CSNK2A2IP: variants seen among roughly 807,000 people sequenced by gnomAD.
CSNK2A2IP encodes casein kinase II subunit alpha'-interacting protein.
the CSNK2A2IP span, among the ~76,000 whole-genome samples, chr3:88,397,763 CTCT>C: frequency 1.8e-5 from 1 of 55,604 alleles, no homozygotes; most frequent in Non-Finnish European, 5.5e-5. Context: ...TATCTCCTAT[CTCT>C]TTTTTTTTTC....
chr3:88,448,988 T>C, the CSNK2A2IP span, among the ~76,000 whole-genome samples: 5 of 152,114 alleles, frequency 3.3e-5, no homozygotes, highest in Non-Finnish European at 7.4e-5. Context: ...ACAAGCTATA[T>C]ACTTCCTGAA....
At chr3:88,346,387 G>A in the CSNK2A2IP span, among the ~76,000 whole-genome samples, 1 of 151,958 alleles carries the variant, frequency 6.6e-6, no homozygotes, top group Non-Finnish European at 1.5e-5. Flanking sequence ...AATCCATCCA[G>A]GGCTTTCATA....
At chr3:88,436,047 G>A in the CSNK2A2IP span, among the ~76,000 whole-genome samples, 2 of 151,896 alleles carry the variant, frequency 1.3e-5, no homozygotes, top group Non-Finnish European at 2.9e-5. Context: ...GAGAATGCAA[G>A]AGAAAGGAGA....
chr3:88,433,721 T>C, the CSNK2A2IP span, among the ~76,000 whole-genome samples: 1 of 152,112 alleles, frequency 6.6e-6, no homozygotes, highest in Admixed American at 6.5e-5. Context: ...ATCACATACT[T>C]CTCCCTTGGG....
the CSNK2A2IP span, among the ~76,000 whole-genome samples, chr3:88,350,031 A>T: frequency 1.3e-5 from 2 of 152,056 alleles, no homozygotes; most frequent in Admixed American, 1.3e-4. Flanking sequence ...CCTTCTTGTC[A>T]CCACTGCTCA....
At chr3:88,339,317 C>T in the CSNK2A2IP span, among the ~76,000 whole-genome samples, 3 of 151,822 alleles carry the variant, frequency 2.0e-5, no homozygotes, top group Non-Finnish European at 4.4e-5. Context: ...CTGTGCCTGA[C>T]TAATTTCACT....
the CSNK2A2IP span, among the ~76,000 whole-genome samples, chr3:88,346,797 C>T: frequency 6.6e-6 from 1 of 151,224 alleles, no homozygotes; most frequent in Non-Finnish European, 1.5e-5. Context: ...TACACAACAT[C>T]CATTCTGCAG....
the CSNK2A2IP span, among the ~76,000 whole-genome samples, chr3:88,460,786 C>T: frequency 5.9e-5 from 9 of 152,142 alleles, no homozygotes; most frequent in African/African-American, 1.4e-4. Context: ...GTGTATGATT[C>T]TTTTTATTAA....
chr3:88,343,473 C>T, the CSNK2A2IP span, among the ~76,000 whole-genome samples: 1 of 151,904 alleles, frequency 6.6e-6, no homozygotes, highest in Admixed American at 6.6e-5. Flanking sequence ...AGCATTATTA[C>T]TAGGCGTGGT....
chr3:88,355,833 G>GA, the CSNK2A2IP span, among the ~76,000 whole-genome samples: 1 of 152,036 alleles, frequency 6.6e-6, no homozygotes, highest in Admixed American at 6.6e-5. Flanking sequence ...GTTTGCTCTT[G>GA]AAAAATATGT....
At chr3:88,412,598 A>C in the CSNK2A2IP span, among the ~76,000 whole-genome samples, 2 of 152,072 alleles carry the variant, frequency 1.3e-5, 1 homozygote, top group African/African-American at 4.8e-5. Context: ...ATAGGAGCAC[A>C]GTCTTGTGCC....
the CSNK2A2IP span, among the ~76,000 whole-genome samples, chr3:88,411,954 A>G: frequency 5.3e-5 from 8 of 151,864 alleles, no homozygotes; most frequent in Middle Eastern, 3.4e-3. Context: ...TGCTGACTAG[A>G]AAGTTTGAAC....
chr3:88,409,672 G>A, the CSNK2A2IP span, among the ~76,000 whole-genome samples: 1 of 152,042 alleles, frequency 6.6e-6, no homozygotes, highest in African/African-American at 2.4e-5. Flanking sequence ...AGTACTATTT[G>A]TGAGTTGGAT....
chr3:88,462,327 G>A, the CSNK2A2IP span, among the ~76,000 whole-genome samples: 7 of 152,066 alleles, frequency 4.6e-5, no homozygotes, highest in African/African-American at 7.2e-5. Context: ...TGGTAGAATA[G>A]TCTGTAGTAT....
At chr3:88,431,693 A>G in the CSNK2A2IP span, among the ~76,000 whole-genome samples, 1 of 152,228 alleles carries the variant, frequency 6.6e-6, no homozygotes, top group Non-Finnish European at 1.5e-5. Flanking sequence ...AATTACATGG[A>G]TAAGAATCTA....
At chr3:88,369,045 C>T in the CSNK2A2IP span, among the ~76,000 whole-genome samples, 1 of 152,028 alleles carries the variant, frequency 6.6e-6, no homozygotes, top group African/African-American at 2.4e-5. Flanking sequence ...CTATACTCCC[C>T]ACAATCCTGA....
chr3:88,403,622 T>C, the CSNK2A2IP span, among the ~76,000 whole-genome samples: 5,471 of 152,236 alleles, frequency 0.036, 154 homozygotes, highest in East Asian at 0.14. Context: ...AAAGAGCTTT[T>C]ATTATTTGCA....
the CSNK2A2IP span, among the ~76,000 whole-genome samples, chr3:88,450,721 G>C: frequency 6.6e-6 from 1 of 151,928 alleles, no homozygotes; most frequent in Non-Finnish European, 1.5e-5. Context: ...TAGGGTACAT[G>C]TGGAGTACAG....
At chr3:88,392,398 G>A in the CSNK2A2IP span, among the ~76,000 whole-genome samples, 2 of 152,138 alleles carry the variant, frequency 1.3e-5, no homozygotes, top group Non-Finnish European at 2.9e-5. Flanking sequence ...TATAGGGATA[G>A]AGAATAGCTA....
Sources: gnomAD v4.1 joint callset for allele counts (sites outside exome capture counted in the v4.1 genomes callset) on GRCh38, gnomAD v4.1.1 for gene constraint, MANE v1.5 for transcripts, NCBI Gene and HGNC (gene_info 2026-07-23, HGNC 2026-07-21) for gene names.